Variants in GALNT13 observed in about 807,000 individuals in gnomAD.
GALNT13 encodes the protein polypeptide N-acetylgalactosaminyltransferase 13.
In GALNT13, 28 loss-of-function variants were observed where a neutral mutation model predicts 64.2. The observed-to-expected ratio is 0.44, with a 90% CI of 0.32 to 0.60. The LOEUF (loss-of-function observed/expected upper bound fraction) is 0.60, where lower values mean the gene tolerates loss of function less well. Among genes scored for constraint, GALNT13 ranks in the 20% least tolerant of loss-of-function variants. GALNT13 has a pLI of 0.05. For missense variants in GALNT13, 577 were observed against 669.8 expected, an observed-to-expected ratio of 0.86 and a Z score of 1.53; for synonymous variants, 214 against 224.6, an observed-to-expected ratio of 0.95 and a Z score of 0.42.
chr2:154,302,330 A>G (rs931213666), intron 9 of GALNT13, among the ~76,000 whole-genome samples: 1 of 152,174 alleles, frequency 6.6e-6, no homozygotes, highest in Non-Finnish European at 1.5e-5. Flanking sequence ...AGGGAGAAAA[A>G]TAAGGATACA....
intron 3 of GALNT13, among the ~76,000 whole-genome samples, chr2:154,060,639 G>A (rs1456472611): frequency 6.6e-6 from 1 of 152,166 alleles, no homozygotes; most frequent in Non-Finnish European, 1.5e-5. Context: ...CCACAGGCGT[G>A]AGCCACCGCA....
intron 4 of GALNT13, among the ~76,000 whole-genome samples, chr2:154,171,983 C>G (rs1282960865): frequency 6.6e-6 from 1 of 151,342 alleles, no homozygotes; most frequent in Non-Finnish European, 1.5e-5. Flanking sequence ...CACACACACA[C>G]ACACACACAC....
chr2:153,923,843 A>T (rs1689926488), intron 2 of GALNT13, among the ~76,000 whole-genome samples: 1 of 151,894 alleles, frequency 6.6e-6, no homozygotes, highest in East Asian at 1.9e-4. Flanking sequence ...TTCCAGCTTC[A>T]TCCATGTCCC....
At chr2:153,412,286 C>A in the GALNT13 span, among the ~76,000 whole-genome samples, 707 of 152,240 alleles carry the variant, frequency 4.6e-3, 2 homozygotes, top group African/African-American at 0.016. Flanking sequence ...ATTTGGGGTT[C>A]AAATCTCACC....
chr2:153,266,394 AG>A, the GALNT13 span, among the ~76,000 whole-genome samples: 20 of 152,260 alleles, frequency 1.3e-4, no homozygotes, highest in South Asian at 6.2e-4. Context: ...TTGGAGTGAA[AG>A]GGTTTTTGTA....
intron 12 of GALNT13, among the ~76,000 whole-genome samples, chr2:154,448,672 C>T (rs1057053832): frequency 6.6e-6 from 1 of 151,944 alleles, no homozygotes; most frequent in Non-Finnish European, 1.5e-5. Flanking sequence ...ATTATTTGTG[C>T]AGTTGACAAC....
At chr2:153,261,911 C>T in the GALNT13 span, among the ~76,000 whole-genome samples, 1 of 152,050 alleles carries the variant, frequency 6.6e-6, no homozygotes, top group African/African-American at 2.4e-5. Flanking sequence ...GCTCTGCAGT[C>T]ATCTTTTGGT....
At chr2:153,327,802 G>A in the GALNT13 span, among the ~76,000 whole-genome samples, 6 of 151,866 alleles carry the variant, frequency 4.0e-5, no homozygotes, top group Admixed American at 1.3e-4. Flanking sequence ...CTGTCAATTC[G>A]TCAAACTCAT....
At chr2:153,378,103 A>G in the GALNT13 span, among the ~76,000 whole-genome samples, 5 of 152,182 alleles carry the variant, frequency 3.3e-5, no homozygotes, top group African/African-American at 1.2e-4. Context: ...TATGGAAAAT[A>G]AAATATTTCT....
chr2:153,185,943 G>T, the GALNT13 span, among the ~76,000 whole-genome samples: 1 of 151,916 alleles, frequency 6.6e-6, no homozygotes, highest in Admixed American at 6.6e-5. Flanking sequence ...TGTTGTTTTG[G>T]GTTGGAGAGT....
At chr2:154,313,383 C>T (rs1236174497) in intron 9 of GALNT13, among the ~76,000 whole-genome samples, 2 of 145,826 alleles carry the variant, frequency 1.4e-5, no homozygotes, top group East Asian at 4.1e-4. Context: ...TCTATATACA[C>T]TATATTTATA....
chr2:153,686,034 C>G, the GALNT13 span, among the ~76,000 whole-genome samples: 1 of 151,974 alleles, frequency 6.6e-6, no homozygotes. Context: ...CACGCTGTTT[C>G]AGTTACTGTA....
rs963257826 is a variant in GALNT13, at chr2:154,100,603, G to A, written c.143-39734G>A. On this transcript the variant is annotated intron_variant, in intron 3 of 12. Coordinates refer to ENST00000392825, the MANE Select transcript of GALNT13 (RefSeq NM_052917.4). ...TCGTTTATCTAGTCAGGAGTCCTTT[G>A]GAGGAGTCTTTTGGGTTTCTAGGTA... Among the ~76,000 whole-genome samples the A allele has an allele frequency of 2.0e-5, 3 of 152,142 alleles. No homozygotes were observed. The South Asian group carries it at 6.2e-4, about 32-fold the overall frequency.
chr2:153,478,706 T>C, the GALNT13 span: 1 of 705,760 alleles, frequency 1.4e-6, no homozygotes, highest in Non-Finnish European at 2.3e-6. Flanking sequence ...CGAAAGTCCC[T>C]GGGCCGTGGG....
the GALNT13 span, among the ~76,000 whole-genome samples, chr2:153,494,998 G>A: frequency 6.6e-6 from 1 of 152,056 alleles, no homozygotes; most frequent in Admixed American, 6.5e-5. Flanking sequence ...TTGGGAAAAT[G>A]CATTTAAAAT....
intron 4 of GALNT13, among the ~76,000 whole-genome samples, chr2:154,177,699 T>C (rs1573815653): frequency 6.6e-6 from 1 of 152,326 alleles, no homozygotes; most frequent in East Asian, 1.9e-4. Context: ...GGGAATGCTC[T>C]CAATTTTTCT....
At chr2:154,269,926 T>TTTATATATATGTG (rs1553506260) in intron 8 of GALNT13, among the ~76,000 whole-genome samples, 4 of 33,350 alleles carry the variant, frequency 1.2e-4, no homozygotes, top group Non-Finnish European at 2.3e-4. Flanking sequence ...ATATATATAT[T>TTTATATATATGTG]TCTAAAGCAC....
chr2:153,939,218 C>G (rs974684487), intron 2 of GALNT13, among the ~76,000 whole-genome samples: 1 of 152,034 alleles, frequency 6.6e-6, no homozygotes, highest in Non-Finnish European at 1.5e-5. Flanking sequence ...GAAGGAAGAT[C>G]TGAAGGAAAC....
chr2:153,591,052 T>G, the GALNT13 span, among the ~76,000 whole-genome samples: 1 of 152,070 alleles, frequency 6.6e-6, no homozygotes, highest in Non-Finnish European at 1.5e-5. Context: ...TGGTACAATC[T>G]TATGTCTAGA....
Sources: allele counts gnomAD v4.1 joint callset (sites outside exome capture counted in the v4.1 genomes callset), GRCh38; gene constraint gnomAD v4.1.1; transcripts MANE v1.5; gene names NCBI Gene and HGNC (gene_info 2026-07-23, HGNC 2026-07-21).